ROBO2: variants seen among roughly 807,000 people sequenced by gnomAD.
ROBO2 encodes roundabout guidance receptor 2, also known as roundabout homolog 2.
Under a neutral mutation model 160.8 loss-of-function variants are expected in ROBO2, and 53 were observed. The observed-to-expected ratio is 0.33, with a 90% CI of 0.26 to 0.41. The LOEUF is 0.41. Ranked by LOEUF, ROBO2 falls within the 10% of genes least tolerant of loss-of-function variation. The probability of loss-of-function intolerance (pLI) is 1.00; values close to 1 mark genes in which losing one functional copy is unlikely to be tolerated. For missense variants in ROBO2, 1,577 were observed against 1,722.4 expected, an observed-to-expected ratio of 0.92 and a Z score of 1.49; for synonymous variants, 664 against 611.7, an observed-to-expected ratio of 1.09 and a Z score of -1.26.
chr3:77,259,421 A>G (rs1437264525), intron 2 of ROBO2, among the ~76,000 whole-genome samples: 2 of 152,226 alleles, frequency 1.3e-5, no homozygotes, highest in Non-Finnish European at 2.9e-5. Context: ...GGTTGAATGA[A>G]TCAGTGAATA....
intron 22 of ROBO2, among the ~76,000 whole-genome samples, chr3:77,621,013 GAAGAAAATCTGAGTAGACTCA>G (rs1279962680): frequency 1.3e-5 from 2 of 152,130 alleles, no homozygotes; most frequent in Non-Finnish European, 2.9e-5. Context: ...TTATGGTTTA[GAAGAAAATCTGAGTAGACTCA>G]AAGCAAATCA....
At chr3:77,524,522 G>A (rs576289959) in intron 6 of ROBO2, among the ~76,000 whole-genome samples, 43 of 151,210 alleles carry the variant, frequency 2.8e-4, no homozygotes, top group Non-Finnish European at 5.8e-4. Context: ...TGCTCCATCC[G>A]AAAAATATTT....
chr3:76,329,807 T>A (rs1332994313), intron 2 of ROBO2, among the ~76,000 whole-genome samples: 1 of 152,220 alleles, frequency 6.6e-6, no homozygotes, highest in Non-Finnish European at 1.5e-5. Context: ...AAAGACCCAC[T>A]TTGGAGACAT....
At chr3:77,425,604 G>A (rs62249802) in intron 2 of ROBO2, among the ~76,000 whole-genome samples, 7,894 of 151,944 alleles carry the variant, frequency 0.052, 300 homozygotes, top group Non-Finnish European at 0.074. Context: ...GAGGAGGATG[G>A]GGTGATCAGG....
At chr3:76,242,248 CTT>C (rs202138055) in intron 2 of ROBO2, among the ~76,000 whole-genome samples, 2,091 of 152,224 alleles carry the variant, frequency 0.014, 54 homozygotes, top group African/African-American at 0.048. Context: ...TCTGTGCACT[CTT>C]GGCTACTAAA....
At chr3:77,640,335 G>A (rs796835118) in intron 24 of ROBO2, among the ~76,000 whole-genome samples, 1 of 151,968 alleles carries the variant, frequency 6.6e-6, no homozygotes, top group Non-Finnish European at 1.5e-5. Flanking sequence ...GGATGGTCTC[G>A]ATCTCTTGAC....
chr3:76,735,752 C>A (rs1376197958), intron 2 of ROBO2, among the ~76,000 whole-genome samples: 2 of 97,340 alleles, frequency 2.1e-5, no homozygotes. Flanking sequence ...GGAGGGAGAC[C>A]CTGTCTCAAA....
chr3:76,571,409 T>C (rs1349124519), intron 2 of ROBO2, among the ~76,000 whole-genome samples: 1 of 152,076 alleles, frequency 6.6e-6, no homozygotes, highest in Non-Finnish European at 1.5e-5. Context: ...TAGGAAGCCA[T>C]AAAATATCTT....
At chr3:77,508,735 T>G (rs1302384641) in intron 5 of ROBO2, among the ~76,000 whole-genome samples, 1 of 151,942 alleles carries the variant, frequency 6.6e-6, no homozygotes, top group Admixed American at 6.6e-5. Flanking sequence ...AAATGAAGGG[T>G]TTATCAATAA....
At chr3:75,962,206 C>A (rs1445330746) in intron 2 of ROBO2, among the ~76,000 whole-genome samples, 1 of 151,472 alleles carries the variant, frequency 6.6e-6, no homozygotes, top group Non-Finnish European at 1.5e-5. Flanking sequence ...TAGAAGGAAA[C>A]GACTTTATGA....
chr3:76,914,167 A>G (rs535158569), intron 2 of ROBO2, among the ~76,000 whole-genome samples: 36 of 152,164 alleles, frequency 2.4e-4, no homozygotes, highest in Non-Finnish European at 4.6e-4. Flanking sequence ...TTACCCTTAA[A>G]TGTGCATATT....
intron 2 of ROBO2, among the ~76,000 whole-genome samples, chr3:76,396,788 G>A (rs2077479232): frequency 6.6e-6 from 1 of 152,050 alleles, no homozygotes; most frequent in Non-Finnish European, 1.5e-5. Flanking sequence ...ACCTCCTCAA[G>A]GAGAACTACA....
chr3:77,133,141 G>A (rs2075996087), intron 2 of ROBO2, among the ~76,000 whole-genome samples: 1 of 152,076 alleles, frequency 6.6e-6, no homozygotes, highest in Non-Finnish European at 1.5e-5. Context: ...TGGCAATTAT[G>A]GTTTATAAGT....
chr3:77,283,884 A>C (rs986565255), intron 2 of ROBO2, among the ~76,000 whole-genome samples: 1 of 152,218 alleles, frequency 6.6e-6, no homozygotes, highest in African/African-American at 2.4e-5. Context: ...TAGCTAGTTA[A>C]GATGAATCAG....
intron 2 of ROBO2, among the ~76,000 whole-genome samples, chr3:76,633,679 A>T (rs1292182623): frequency 6.6e-6 from 1 of 152,232 alleles, no homozygotes; most frequent in Non-Finnish European, 1.5e-5. Flanking sequence ...GAAATAGTCT[A>T]CGCCAGGCAT....
intron 2 of ROBO2, among the ~76,000 whole-genome samples, chr3:76,295,776 C>T (rs907326367): frequency 1.6e-4 from 25 of 152,110 alleles, no homozygotes; most frequent in African/African-American, 5.1e-4. Flanking sequence ...TGTGACTTTA[C>T]GTAAATTATC....
rs1394207184 is a variant in ROBO2, at chr3:77,557,887, T to C, written c.1232-57T>C. On this transcript the variant is annotated intron_variant, in intron 8 of 25. Transcript: ENST00000461745. ...TAACCTTACTTTCAGTGTCAATATA[T>C]CAAGCCTACTGAACTACATTGATGT... The C allele has an allele frequency of 2.9e-6, 4 of 1,371,154 alleles. No individual in the cohort carries two copies. The African/African-American group carries it at 4.4e-5, about 15-fold the overall frequency. The allele number at this position is 1,371,154 out of a possible 1,614,324, so 84.9% of individuals were successfully genotyped here. A position where few individuals can be genotyped will look rare whatever the true frequency, so the allele number is the denominator to read the frequency against.
chr3:76,809,934 A>G (rs534164567), intron 2 of ROBO2, among the ~76,000 whole-genome samples: 3 of 152,220 alleles, frequency 2.0e-5, no homozygotes, highest in East Asian at 1.9e-4. Context: ...AAAAAACTAG[A>G]ATATGGAAAA....
chr3:77,342,055 G>A (rs540893726), intron 2 of ROBO2, among the ~76,000 whole-genome samples: 21 of 152,172 alleles, frequency 1.4e-4, no homozygotes, highest in Admixed American at 4.6e-4. Flanking sequence ...TAAAGCTTCC[G>A]TGCGTGTATT....
Sources: gnomAD v4.1 joint callset for allele counts (sites outside exome capture counted in the v4.1 genomes callset) on GRCh38, gnomAD v4.1.1 for gene constraint, MANE v1.5 for transcripts, NCBI Gene and HGNC (gene_info 2026-07-23, HGNC 2026-07-21) for gene names.